The following TMCO1 variants were observed in gnomAD, a reference collection of about 807,000 sequenced individuals.
TMCO1 encodes transmembrane and coiled-coil domains 1, also known as calcium load-activated calcium channel.
A neutral mutation model predicts 29.3 loss-of-function variants in TMCO1; 29 were observed. That is an observed-to-expected ratio of 0.99 (90% CI 0.74 to 1.35). The LOEUF (loss-of-function observed/expected upper bound fraction) is 1.35. Ranked by LOEUF, TMCO1 falls within the 40% of genes most tolerant of loss-of-function variation. The pLI is 0.00. For missense variants in TMCO1, 173 were observed against 225.5 expected, an observed-to-expected ratio of 0.77 and a Z score of 1.49; for synonymous variants, 80 against 77.1, an observed-to-expected ratio of 1.04 and a Z score of -0.20.
chr1:165,756,465 C>T (rs982635782), intron 3 of TMCO1, among the ~76,000 whole-genome samples: 8 of 152,072 alleles, frequency 5.3e-5, no homozygotes, highest in African/African-American at 1.9e-4. Context: ...TTCAAATAAA[C>T]CCCTTATGAC....
chr1:165,735,825 C>T (rs921862937), intron 6 of TMCO1, among the ~76,000 whole-genome samples: 9 of 152,136 alleles, frequency 5.9e-5, no homozygotes, highest in African/African-American at 2.2e-4. Context: ...CTGCTTAATT[C>T]TTAAACTATG....
At chr1:165,729,349 C>T (rs1166148675) in intron 6 of TMCO1, among the ~76,000 whole-genome samples, 1 of 147,214 alleles carries the variant, frequency 6.8e-6, no homozygotes, top group East Asian at 2.0e-4. Context: ...TGGAGTCTCA[C>T]TCTGTCATCC....
chr1:165,767,636 T>C (rs937421816), intron 2 of TMCO1, among the ~76,000 whole-genome samples: 1 of 152,226 alleles, frequency 6.6e-6, no homozygotes, highest in African/African-American at 2.4e-5. Context: ...TGCAAGGCCA[T>C]CAGCATCATG....
At chr1:165,735,784 G>A (rs1426099762) in intron 6 of TMCO1, among the ~76,000 whole-genome samples, 1 of 152,028 alleles carries the variant, frequency 6.6e-6, no homozygotes, top group Admixed American at 6.6e-5. Flanking sequence ...CAAAATGCTG[G>A]GATTACAGGC....
At chr1:165,732,280 T>C (rs570082874) in intron 6 of TMCO1, among the ~76,000 whole-genome samples, 3 of 151,058 alleles carry the variant, frequency 2.0e-5, no homozygotes. Flanking sequence ...AGGGAGAGGT[T>C]ACAAGTCAGA....
chr1:165,729,916 G>A (rs1203749990), intron 6 of TMCO1, among the ~76,000 whole-genome samples: 1 of 152,026 alleles, frequency 6.6e-6, no homozygotes, highest in Non-Finnish European at 1.5e-5. Flanking sequence ...TAGTTACTGA[G>A]TACCTACTAG....
chr1:165,767,504 C>T (rs2101819965), intron 2 of TMCO1, among the ~76,000 whole-genome samples: 1 of 152,266 alleles, frequency 6.6e-6, no homozygotes, highest in South Asian at 2.1e-4. Flanking sequence ...AATGACATAT[C>T]ATCCTCCAAA....
chr1:165,758,733 CAGCGTAAATGTTCAAT>C (rs6143466), intron 3 of TMCO1, among the ~76,000 whole-genome samples: 36,307 of 151,986 alleles, frequency 0.24, 5,421 homozygotes, highest in East Asian at 0.58. Flanking sequence ...CTGACACATA[CAGCGTAAATGTTCAAT>C]AGCATTTTCT....
chr1:165,729,382 T>C (rs1651046291), intron 6 of TMCO1, among the ~76,000 whole-genome samples: 1 of 151,766 alleles, frequency 6.6e-6, no homozygotes, highest in Admixed American at 6.6e-5. Flanking sequence ...AGTGGCACGA[T>C]GTCGGCTCAC....
At chr1:165,768,593 G>A (rs944686819) in intron 1 of TMCO1, 89 bp downstream of exon 1, 12 of 1,605,922 alleles carry the variant, frequency 7.5e-6, no homozygotes, top group Non-Finnish European at 1.0e-5. Context: ...AGCAAGTAAG[G>A]CTCGCGATCT....
chr1:165,736,700 A>G (rs1378734428), intron 6 of TMCO1, among the ~76,000 whole-genome samples: 4 of 149,102 alleles, frequency 2.7e-5, no homozygotes, highest in African/African-American at 5.0e-5. Flanking sequence ...AGCTTGGGCA[A>G]TAAGAGCAAG....
chr1:165,725,668 C>A (rs1377489114), downstream of TMCO1: 1 of 454,058 alleles, frequency 2.2e-6, no homozygotes, highest in Non-Finnish European at 4.4e-6. Context: ...TCTGGTGATG[C>A]TGTGGACCTA....
rs796517607 is a variant in TMCO1 at position 165,730,175 on chromosome 1, A to C, written c.469-2054T>G. ...TCTGTACTAAAAATACACACACACA[A>C]AAAAAAAAAAATTAGCCGGGAGAGG... On this transcript the variant is annotated intron_variant, in intron 6 of 6. Coordinates refer to ENST00000367881, the MANE Select transcript of TMCO1 (RefSeq NM_019026.6). Among the ~76,000 whole-genome samples, 493 of 147,772 alleles carry C rather than the reference A, an allele frequency of 3.3e-3. 11 individuals carry two copies. The highest frequency in any genetic ancestry group is 7.1e-3 in the African/African-American group (288 of 40,584).
At chr1:165,748,737 T>G (rs1410646068) in intron 5 of TMCO1, among the ~76,000 whole-genome samples, 3 of 152,204 alleles carry the variant, frequency 2.0e-5, no homozygotes, top group Non-Finnish European at 4.4e-5. Flanking sequence ...ATTCTTGGTG[T>G]TGTACATTCT....
Position 165,727,931 on chromosome 1 carries a change from G to A in TMCO1, c.*92C>T, listed in dbSNP as rs1650970903. ...TCAAAACTAGAAAGAGGCCCAAGTA[G>A]TAAGGCTACCTATGGCTCTTGCTAC... On this transcript the variant is annotated 3_prime_UTR_variant, in exon 7 of 7. Coordinates refer to ENST00000367881, the MANE Select transcript of TMCO1 (RefSeq NM_019026.6). The A allele has an allele frequency of 1.0e-6, 1 of 981,168 alleles. No individual in the cohort carries two copies. Among genetic ancestry groups the A allele is most frequent in the African/African-American group, 1.6e-5 (1 of 61,638 alleles). 60.8% of individuals were successfully genotyped at this position (981,168 alleles called of 1,614,324 possible).
intron 4 of TMCO1, among the ~76,000 whole-genome samples, chr1:165,752,825 A>C (rs994894512): frequency 2.6e-5 from 4 of 151,924 alleles, no homozygotes; most frequent in African/African-American, 9.7e-5. Flanking sequence ...CTTAGCAAAA[A>C]GCTATAGCTG....
At chr1:165,749,168 G>C (rs1032371206) in intron 5 of TMCO1, among the ~76,000 whole-genome samples, 7 of 152,050 alleles carry the variant, frequency 4.6e-5, no homozygotes, top group African/African-American at 1.7e-4. Flanking sequence ...TTTTTGTGTG[G>C]ATCTAAGTTT....
At chr1:165,760,212 G>A (rs1652347765) in intron 2 of TMCO1, among the ~76,000 whole-genome samples, 2 of 152,134 alleles carry the variant, frequency 1.3e-5, no homozygotes, top group South Asian at 4.2e-4. Flanking sequence ...GATCACCTGA[G>A]GTCAGGAGTT....
At chr1:165,747,381 A>G (rs1651840559) in intron 5 of TMCO1, among the ~76,000 whole-genome samples, 1 of 152,190 alleles carries the variant, frequency 6.6e-6, no homozygotes, top group Non-Finnish European at 1.5e-5. Context: ...CAGAAAGTAT[A>G]TAAAATAGAC....
Sources: gnomAD v4.1 joint callset for allele counts (sites outside exome capture counted in the v4.1 genomes callset) on GRCh38, gnomAD v4.1.1 for gene constraint, MANE v1.5 for transcripts, NCBI Gene and HGNC (gene_info 2026-07-23, HGNC 2026-07-21) for gene names.